RAB3GAP2: variants seen among roughly 807,000 people sequenced by gnomAD.
RAB3GAP2 encodes the protein RAB3 GTPase activating non-catalytic protein subunit 2, also known as rab3 GTPase-activating protein non-catalytic subunit.
A neutral mutation model predicts 185.3 loss-of-function variants in RAB3GAP2; 87 were observed. That is an observed-to-expected ratio of 0.47 (90% confidence interval 0.39 to 0.56). The LOEUF is 0.56. Ranked by LOEUF, RAB3GAP2 falls within the 20% of genes least tolerant of loss-of-function variation. The pLI is 0.00. For missense variants in RAB3GAP2, 1,492 were observed against 1,638.2 expected (o/e 0.91, Z 1.54); for synonymous variants, 554 against 576.1 (o/e 0.96, Z 0.55).
intron 21 of RAB3GAP2, among the ~76,000 whole-genome samples, chr1:220,177,896 CAAAT>C (rs1259461082): frequency 2.0e-5 from 3 of 152,090 alleles, no homozygotes; most frequent in East Asian, 3.9e-4. Context: ...AACGTTTACT[CAAAT>C]AAGTAATAAC....
chr1:220,153,351 A>G lies in RAB3GAP2; in HGVS notation c.3701T>C (p.Val1234Ala), dbSNP rs1057524739. 9 of 1,614,040 alleles carry G rather than the reference A, an allele frequency of 5.6e-6. No homozygotes were observed. The highest frequency in any genetic ancestry group is 5.3e-5 in the African/African-American group (4 of 74,928). The change falls in exon 33 of 35, where the codon GTC (valine) becomes GCC (alanine). Residue 1234 changes from valine (V) to alanine (A), a missense_variant. Val to Ala is a moderately conservative substitution (Grantham distance 64). This residue lies in a region of RAB3GAP2 where 387 missense variants were observed against 455.3 expected (regional missense o/e 0.85). Coordinates refer to ENST00000358951, the MANE Select transcript of RAB3GAP2 (RefSeq NM_012414.4). ...AVQAQHSATKVKDPTEEATPT... is the reference protein window; with the variant it reads ...AVQAQHSATKAKDPTEEATPT... ...TGTGGCCTCTTCTGTGGGATCTTTG[A>G]CCTTTGTGGCTGAATGTTGGGCCTG...
At chr1:220,221,872 T>C (rs920099509) in intron 2 of RAB3GAP2, among the ~76,000 whole-genome samples, 1 of 152,238 alleles carries the variant, frequency 6.6e-6, no homozygotes, top group Admixed American at 6.5e-5. Context: ...CAGTGTTTTT[T>C]GGTTTTTCAG....
intron 1 of RAB3GAP2, among the ~76,000 whole-genome samples, chr1:220,257,397 A>C (rs958165440): frequency 2.6e-5 from 4 of 152,062 alleles, no homozygotes; most frequent in Non-Finnish European, 4.4e-5. Context: ...CAAAACAAAA[A>C]AAAACAAAAA....
chr1:220,195,040 C>A, intron 12 of RAB3GAP2, 38 bp downstream of exon 12: 1 of 1,578,948 alleles, frequency 6.3e-7, no homozygotes, highest in South Asian at 1.1e-5. Flanking sequence ...CAGTACCTTT[C>A]TAAAAGGACT....
chr1:220,193,155 T>A lies in RAB3GAP2; in HGVS notation c.1270+85A>T, dbSNP rs78010602. ...CATGAAGAATTAAACAGAGTTATCA[T>A]CCAGAAGCTGAAGGATGATAACATT... On this transcript the variant is annotated intron_variant, in intron 13 of 34. Coordinates refer to ENST00000358951, the MANE Select transcript of RAB3GAP2 (RefSeq NM_012414.4). 138,569 of 1,519,510 alleles carry A rather than the reference T, an allele frequency of 0.091. 6,913 individuals carry two copies. Among genetic ancestry groups the A allele is most frequent in the South Asian group, 0.11 (9,725 of 88,342 alleles). The allele number at this position is 1,519,510 out of a possible 1,614,324, so 94.1% of individuals were successfully genotyped here. A position where few individuals can be genotyped will look rare whatever the true frequency, so the allele number is the denominator to read the frequency against.
intron 33 of RAB3GAP2, among the ~76,000 whole-genome samples, chr1:220,152,777 G>A (rs1338278044): frequency 2.6e-5 from 4 of 151,910 alleles, no homozygotes; most frequent in Admixed American, 2.0e-4. Context: ...GATTGGTCTC[G>A]AGCTTCTGGG....
At chr1:220,215,395 T>A (rs750170932) in intron 2 of RAB3GAP2, among the ~76,000 whole-genome samples, 72 of 152,278 alleles carry the variant, frequency 4.7e-4, no homozygotes, top group Admixed American at 1.4e-3. Flanking sequence ...CGGATCTCTG[T>A]CAATTTAATA....
At chr1:220,227,088 G>C (rs974307544) in intron 2 of RAB3GAP2, among the ~76,000 whole-genome samples, 1 of 152,194 alleles carries the variant, frequency 6.6e-6, no homozygotes, top group Non-Finnish European at 1.5e-5. Flanking sequence ...ATAAGTTTTT[G>C]TTGTTTAAGT....
intron 1 of RAB3GAP2, among the ~76,000 whole-genome samples, chr1:220,248,597 A>T (rs1284389119): frequency 6.7e-6 from 1 of 150,178 alleles, no homozygotes; most frequent in Non-Finnish European, 1.5e-5. Context: ...TTAAAATCCC[A>T]GTATAAATTT....
rs1203305475 is a variant in RAB3GAP2, at chr1:220,150,072, C to CTCTT, written c.*1175_*1178dup. Reference sequence around the variant, plus strand: ...CTTGGTATTTGTAGAGCTCAAAGCACTCTTTTACAGAGTTTTGGTTAGTTT... The same window carrying CTCTT: ...CTTGGTATTTGTAGAGCTCAAAGCACTCTTTCTTTTACAGAGTTTTGGTTAGTTT... On this transcript the variant is annotated 3_prime_UTR_variant, in exon 35 of 35. Transcript: ENST00000358951. The CTCTT allele has an allele frequency of 6.6e-6, 1 of 150,464 alleles. No homozygotes were observed. The highest frequency in any genetic ancestry group is 2.4e-5 in the African/African-American group (1 of 40,898). The allele number at this position is 150,464 out of a possible 1,614,324, so 9.3% of individuals were successfully genotyped here. A position where few individuals can be genotyped will look rare whatever the true frequency, so the allele number is the denominator to read the frequency against.
intron 4 of RAB3GAP2, 127 bp from the exon 5 acceptor site, chr1:220,211,129 T>A: frequency 1.1e-6 from 1 of 875,898 alleles, no homozygotes; most frequent in Non-Finnish European, 1.8e-6. Context: ...ATTTGATGCA[T>A]AAGTAAAAAT....
At chr1:220,229,588 T>G (rs1299445117) in intron 2 of RAB3GAP2, among the ~76,000 whole-genome samples, 1 of 152,198 alleles carries the variant, frequency 6.6e-6, no homozygotes, top group African/African-American at 2.4e-5. Flanking sequence ...GAAGAATTAG[T>G]AGATATCTTT....
At chr1:220,175,460 G>A (rs1019092015) in intron 21 of RAB3GAP2, among the ~76,000 whole-genome samples, 5 of 151,960 alleles carry the variant, frequency 3.3e-5, no homozygotes, top group South Asian at 2.1e-4. Flanking sequence ...CTCGTGATTC[G>A]CCCGCCTTGG....
intron 13 of RAB3GAP2, among the ~76,000 whole-genome samples, chr1:220,192,535 T>C (rs981244352): frequency 8.5e-5 from 13 of 152,228 alleles, no homozygotes; most frequent in Non-Finnish European, 1.9e-4. Context: ...GTCTCCCTTA[T>C]AGTTAGATGA....
chr1:220,200,205 C>T (rs1040098833), intron 9 of RAB3GAP2, among the ~76,000 whole-genome samples: 6 of 152,202 alleles, frequency 3.9e-5, no homozygotes, highest in Non-Finnish European at 8.8e-5. Flanking sequence ...GAATGCTCTT[C>T]CTACACCTCT....
chr1:220,268,713 C>G (rs1031160142), intron 1 of RAB3GAP2, among the ~76,000 whole-genome samples: 2 of 152,096 alleles, frequency 1.3e-5, no homozygotes, highest in Non-Finnish European at 2.9e-5. Context: ...TACATAAACT[C>G]AAGAATTTGA....
Position 220,150,076 on chromosome 1 carries a change from T to G in RAB3GAP2, c.*1175A>C, listed in dbSNP as rs1657718745. 6.6e-6 allele frequency: 1 copy of G among 151,322 alleles called. No individual in the cohort carries two copies. The highest frequency in any genetic ancestry group is 1.5e-5 in the Non-Finnish European group (1 of 67,962). The allele number at this position is 151,322 out of a possible 1,614,324, so 9.4% of individuals were successfully genotyped here. Reference sequence around the variant, plus strand: ...GTATTTGTAGAGCTCAAAGCACTCTTTTACAGAGTTTTGGTTAGTTTGGTT... The same window carrying G: ...GTATTTGTAGAGCTCAAAGCACTCTGTTACAGAGTTTTGGTTAGTTTGGTT... On this transcript the variant is annotated 3_prime_UTR_variant, in exon 35 of 35. Coordinates refer to ENST00000358951, the MANE Select transcript of RAB3GAP2 (RefSeq NM_012414.4).
In RAB3GAP2 at chr1:220,151,687, C is replaced by T. The variant is rs778048062; in HGVS notation, c.3945G>A (p.Ala1315=). The change falls in exon 34 of 35, where the codon GCG becomes GCA. Residue 1315 remains alanine, a synonymous_variant. Coordinates refer to ENST00000358951, the MANE Select transcript of RAB3GAP2 (RefSeq NM_012414.4). The stretch of plus-strand genomic sequence containing the variant: ...CTTCTTTTGTCTGGGTGTGGAGAAG[C>T]GCATGAGCCAGCCTTTGCCCCGTGA... ...LVLTGQRLAH[A]LLHTQTKEGM... 15 of 1,611,074 alleles carry T rather than the reference C, an allele frequency of 9.3e-6. No individual in the cohort carries two copies. The Admixed American group carries it at 1.7e-4, about 18-fold the overall frequency.
intron 28 of RAB3GAP2, among the ~76,000 whole-genome samples, chr1:220,160,674 C>T (rs1657948927): frequency 6.6e-6 from 1 of 152,162 alleles, no homozygotes; most frequent in African/African-American, 2.4e-5. Flanking sequence ...AACAAGTTGC[C>T]TCATATCTCC....
Sources: gnomAD v4.1 joint callset for allele counts (sites outside exome capture counted in the v4.1 genomes callset) on GRCh38, gnomAD v4.1.1 for gene constraint, gnomAD v4.1.1 regional missense constraint, MANE v1.5 for transcripts, NCBI Gene and HGNC (gene_info 2026-07-23, HGNC 2026-07-21) for gene names.